Variants in LPIN1 observed in about 807,000 individuals in gnomAD.
LPIN1 encodes phosphatidate phosphatase LPIN1.
In LPIN1, 71 loss-of-function variants were observed where a neutral mutation model predicts 107.5. That is an observed-to-expected ratio of 0.66 (90% confidence interval 0.55 to 0.80). LPIN1 has a LOEUF of 0.80. LPIN1 is among the 30% of genes least tolerant of loss of function. LPIN1 has a pLI of 0.00. For synonymous variants in LPIN1, 445 were observed against 452.6 expected, an observed-to-expected ratio of 0.98 and a Z score of 0.21; for missense variants, 1,043 against 1,160.6, an observed-to-expected ratio of 0.90 and a Z score of 1.47.
intron 1 of LPIN1, among the ~76,000 whole-genome samples, chr2:11,729,153 CG>C (rs1664948590): frequency 6.6e-6 from 1 of 151,990 alleles, no homozygotes; most frequent in Non-Finnish European, 1.5e-5. Flanking sequence ...TGTCGGGGAA[CG>C]GGGGCAAGAG....
At chr2:11,730,918 TC>T (rs1430270333) in intron 1 of LPIN1, among the ~76,000 whole-genome samples, 1 of 152,170 alleles carries the variant, frequency 6.6e-6, no homozygotes, top group Non-Finnish European at 1.5e-5. Flanking sequence ...CTTGTTCTAG[TC>T]AGCTCGACGA....
intron 1 of LPIN1, among the ~76,000 whole-genome samples, chr2:11,712,292 A>C (rs1663467678): frequency 6.6e-6 from 1 of 152,152 alleles, no homozygotes; most frequent in South Asian, 2.1e-4. Flanking sequence ...CCTCTCCCAG[A>C]GTTCCCACTC....
chr2:11,790,350 G>T (rs1384150969), intron 12 of LPIN1, among the ~76,000 whole-genome samples: 1 of 152,226 alleles, frequency 6.6e-6, no homozygotes, highest in Non-Finnish European at 1.5e-5. Flanking sequence ...GCTTTTCCTT[G>T]ATGGTCACAA....
chr2:11,772,940 A>G (rs867767469), intron 4 of LPIN1, among the ~76,000 whole-genome samples: 1 of 147,094 alleles, frequency 6.8e-6, no homozygotes, highest in Non-Finnish European at 1.5e-5. Flanking sequence ...GCCTCTATCT[A>G]ACCTGTGACA....
chr2:11,700,848 C>T (rs1330112918), intron 1 of LPIN1, among the ~76,000 whole-genome samples: 1 of 152,196 alleles, frequency 6.6e-6, no homozygotes, highest in Non-Finnish European at 1.5e-5. Context: ...ACCCACATCC[C>T]TCCACCTCCC....
At chr2:11,806,541 G>A (rs1678712539) in intron 17 of LPIN1, among the ~76,000 whole-genome samples, 1 of 151,878 alleles carries the variant, frequency 6.6e-6, no homozygotes, top group South Asian at 2.1e-4. Context: ...ATCCAGCCTG[G>A]GCAACATAGT....
intron 12 of LPIN1, among the ~76,000 whole-genome samples, chr2:11,790,440 A>G (rs142619340): frequency 4.6e-5 from 7 of 152,338 alleles, no homozygotes; most frequent in Non-Finnish European, 1.0e-4. Context: ...ATAGTTCAAG[A>G]CTTGGTCACA....
chr2:11,724,677 TGCTTC>T, intron 1 of LPIN1: 1 of 980,940 alleles, frequency 1.0e-6, no homozygotes, highest in Non-Finnish European at 1.2e-6. Flanking sequence ...GGAATCACGA[TGCTTC>T]CAGAGCTTCC....
intron 1 of LPIN1, among the ~76,000 whole-genome samples, chr2:11,692,345 G>A (rs1662315705): frequency 6.6e-6 from 1 of 152,096 alleles, no homozygotes; most frequent in Non-Finnish European, 1.5e-5. Flanking sequence ...TGTGGCTTCA[G>A]TAAGTCACTC....
At chr2:11,751,430 A>C (rs1261625843) in intron 1 of LPIN1, among the ~76,000 whole-genome samples, 1 of 152,268 alleles carries the variant, frequency 6.6e-6, no homozygotes, top group Non-Finnish European at 1.5e-5. Context: ...ATTTATGATA[A>C]AAAGTGAAGA....
At chr2:11,775,608 GT>G (rs1183376217) in intron 5 of LPIN1, among the ~76,000 whole-genome samples, 1 of 152,130 alleles carries the variant, frequency 6.6e-6, no homozygotes, top group Non-Finnish European at 1.5e-5. Context: ...GGATTATGTA[GT>G]TTGATTAAGC....
At chr2:11,770,725 T>G (rs1198124839) in intron 3 of LPIN1, among the ~76,000 whole-genome samples, 3 of 152,230 alleles carry the variant, frequency 2.0e-5, no homozygotes, top group African/African-American at 7.2e-5. Flanking sequence ...TTATAAAAAC[T>G]GCTGAATCAT....
In LPIN1 at chr2:11,820,445, TGAATA is replaced by T; in HGVS notation, c.2558_2562del (p.Arg853IlefsTer6). The T allele has an allele frequency of 6.2e-7, 1 of 1,613,600 alleles. No homozygotes were observed. The highest frequency in any genetic ancestry group is 8.5e-7 in the Non-Finnish European group (1 of 1,179,498). ...TCATACAAGCAAGTAGGAGTGTCTT[TGAATA>T]GAATATTTACCGTCAACCCTAAAGG... is the stretch of plus-strand genomic sequence containing the variant. On this transcript the variant is annotated frameshift_variant, in exon 20 of 21. Transcript: ENST00000674199. LOFTEE classifies it high-confidence loss of function.
At chr2:11,761,646 C>T (rs1429314135) in intron 1 of LPIN1, among the ~76,000 whole-genome samples, 1 of 152,136 alleles carries the variant, frequency 6.6e-6, no homozygotes, top group Non-Finnish European at 1.5e-5. Flanking sequence ...GCAGTTCTTA[C>T]CAGCCCCTGC....
intron 20 of LPIN1, among the ~76,000 whole-genome samples, chr2:11,822,750 A>G (rs1450965729): frequency 2.0e-5 from 3 of 152,216 alleles, no homozygotes; most frequent in Non-Finnish European, 2.9e-5. Flanking sequence ...ACTTTGAACC[A>G]ATGAGACGCT....
chr2:11,747,236 A>G (rs1044738037), intron 1 of LPIN1, among the ~76,000 whole-genome samples: 2 of 152,148 alleles, frequency 1.3e-5, no homozygotes, highest in Admixed American at 1.3e-4. Context: ...CCCGGTTCTC[A>G]TATTACAGCT....
At chr2:11,752,581 G>A (rs1462195789) in intron 1 of LPIN1, among the ~76,000 whole-genome samples, 2 of 149,676 alleles carry the variant, frequency 1.3e-5, no homozygotes, top group Non-Finnish European at 3.0e-5. Context: ...ACAGGCGCCC[G>A]CCACTACGCC....
chr2:11,821,244 C>T (rs576130370), intron 20 of LPIN1, among the ~76,000 whole-genome samples: 27 of 152,314 alleles, frequency 1.8e-4, no homozygotes, highest in East Asian at 7.7e-4. Context: ...AGGCCAGGCA[C>T]GGTGGCTCAT....
intron 1 of LPIN1, among the ~76,000 whole-genome samples, chr2:11,699,492 G>A (rs1007210094): frequency 8.6e-5 from 13 of 152,038 alleles, no homozygotes; most frequent in Non-Finnish European, 1.6e-4. Context: ...ACACCAGAAC[G>A]CTCACCTTTT....
Sources: gnomAD v4.1 joint callset for allele counts (sites outside exome capture counted in the v4.1 genomes callset) on GRCh38, gnomAD v4.1.1 for gene constraint, MANE v1.5 for transcripts, NCBI Gene and HGNC (gene_info 2026-07-23, HGNC 2026-07-21) for gene names.